DCAF8L2: variants seen among roughly 807,000 people sequenced by gnomAD.
The protein encoded by DCAF8L2 is DDB1 and CUL4 associated factor 8 like 2, also known as DDB1- and CUL4-associated factor 8-like protein 2.
For missense variants in DCAF8L2, 430 were observed against 490.7 expected, an observed-to-expected ratio of 0.88 and a Z score of 1.17; for synonymous variants, 200 against 190.9, an observed-to-expected ratio of 1.05 and a Z score of -0.39.
intron 2 of DCAF8L2, among the ~76,000 whole-genome samples, chrX:27,634,961 C>CACACAA (rs1355205193): frequency 9.4e-6 from 1 of 106,799 alleles, no homozygotes; most frequent in African/African-American, 3.5e-5. Flanking sequence ...TGTATATACA[C>CACACAA]ACACACACAC....
chrX:27,619,056 A>G (rs937001716), intron 1 of DCAF8L2, among the ~76,000 whole-genome samples: 1 of 107,191 alleles, frequency 9.3e-6, no homozygotes, highest in Non-Finnish European at 1.9e-5. Context: ...TCTTATATCT[A>G]TCTATCTATT....
intron 2 of DCAF8L2, chrX:27,633,325 T>TA (rs1390675481): frequency 8.9e-6 from 1 of 112,502 alleles, no homozygotes; most frequent in Non-Finnish European, 1.9e-5. Flanking sequence ...TTTTAATACT[T>TA]ACGGCACTTC....
At chrX:27,580,548 C>G in the DCAF8L2 span, among the ~76,000 whole-genome samples, 8 of 111,263 alleles carry the variant, frequency 7.2e-5, no homozygotes, top group South Asian at 3.0e-3. Context: ...TAAAGTCTGT[C>G]AATCCCTAGG....
At chrX:27,718,946 T>C (rs1931793948) in intron 4 of DCAF8L2, among the ~76,000 whole-genome samples, 1 of 111,797 alleles carries the variant, frequency 8.9e-6, no homozygotes, top group Non-Finnish European at 1.9e-5. Context: ...ATGTATATTA[T>C]ATATGTATAC....
intron 2 of DCAF8L2, among the ~76,000 whole-genome samples, chrX:27,662,701 A>G: frequency 8.9e-6 from 1 of 111,744 alleles, no homozygotes; most frequent in Non-Finnish European, 1.9e-5. Context: ...CTATTGTTTC[A>G]AAATAAATGA....
chrX:27,547,400 G>A, the DCAF8L2 span, among the ~76,000 whole-genome samples: 93 of 112,012 alleles, frequency 8.3e-4, no homozygotes, highest in Non-Finnish European at 1.6e-3. Flanking sequence ...CTTTACAGCA[G>A]TACCCCACCA....
chrX:27,720,586 G>T (rs1931865790), intron 4 of DCAF8L2, among the ~76,000 whole-genome samples: 1 of 110,644 alleles, frequency 9.0e-6, no homozygotes, highest in African/African-American at 3.3e-5. Context: ...TGTTAGCCAG[G>T]ATGGTCTCGA....
chrX:27,542,334 C>T, the DCAF8L2 span, among the ~76,000 whole-genome samples: 19 of 110,899 alleles, frequency 1.7e-4, no homozygotes, highest in Non-Finnish European at 2.8e-4. Flanking sequence ...TATAAGCCTT[C>T]CCTTTTCTCT....
intron 1 of DCAF8L2, among the ~76,000 whole-genome samples, chrX:27,603,705 C>T (rs1160286981): frequency 8.9e-6 from 1 of 111,938 alleles, no homozygotes; most frequent in Non-Finnish European, 1.9e-5. Context: ...AACTATATTT[C>T]AGTCAACACT....
At chrX:27,546,401 G>A in the DCAF8L2 span, among the ~76,000 whole-genome samples, 282 of 111,787 alleles carry the variant, frequency 2.5e-3, 1 homozygote, top group Non-Finnish European at 4.0e-3. Context: ...GGTGCAAGCT[G>A]TCAGTGGATC....
intron 1 of DCAF8L2, among the ~76,000 whole-genome samples, chrX:27,619,439 G>A (rs1602663977): frequency 9.0e-6 from 1 of 111,250 alleles, no homozygotes. Flanking sequence ...GAGACAGAGA[G>A]ATTTGTTACA....
the DCAF8L2 span, among the ~76,000 whole-genome samples, chrX:27,578,224 T>A: frequency 2.7e-5 from 3 of 111,279 alleles, no homozygotes; most frequent in African/African-American, 6.5e-5. Context: ...CATAGGCTAA[T>A]TGAACAGAAT....
chrX:27,595,900 C>T (rs1014542672), intron 1 of DCAF8L2, among the ~76,000 whole-genome samples: 25 of 111,127 alleles, frequency 2.2e-4, no homozygotes, highest in African/African-American at 4.9e-4. Context: ...CATGGTGGTG[C>T]GTGCCTGTAG....
intron 4 of DCAF8L2, among the ~76,000 whole-genome samples, chrX:27,730,698 G>T (rs1921141480): frequency 9.8e-6 from 1 of 101,613 alleles, no homozygotes; most frequent in African/African-American, 3.7e-5. Context: ...GATTACAGCT[G>T]CGCACAGCCA....
chrX:27,671,033 T>C (rs901742169), intron 2 of DCAF8L2, among the ~76,000 whole-genome samples: 8 of 111,967 alleles, frequency 7.1e-5, no homozygotes, highest in Non-Finnish European at 1.5e-4. Context: ...TCTGTGTCCA[T>C]TCTTTAGGTC....
At chrX:27,561,866 T>C in the DCAF8L2 span, among the ~76,000 whole-genome samples, 1 of 112,005 alleles carries the variant, frequency 8.9e-6, no homozygotes, top group Non-Finnish European at 1.9e-5. Context: ...TTATGAATAA[T>C]GTTGCTATGA....
At chrX:27,695,249 G>A (rs1008769864) in intron 3 of DCAF8L2, among the ~76,000 whole-genome samples, 1 of 112,180 alleles carries the variant, frequency 8.9e-6, no homozygotes, top group Admixed American at 9.5e-5. Flanking sequence ...TTAAGAGAAG[G>A]CTAAGGGTGA....
chrX:27,744,926 A>G (rs770639350), intron 4 of DCAF8L2, among the ~76,000 whole-genome samples: 1 of 111,883 alleles, frequency 8.9e-6, no homozygotes, highest in South Asian at 3.8e-4. Flanking sequence ...TGACCTTTTA[A>G]CCAAGTAAAC....
intron 3 of DCAF8L2, among the ~76,000 whole-genome samples, chrX:27,712,393 T>C (rs1220295011): frequency 1.8e-5 from 2 of 111,993 alleles, no homozygotes; most frequent in African/African-American, 6.5e-5. Flanking sequence ...GTAGTTAAAA[T>C]AGTTAGACCC....
Sources: gnomAD v4.1 joint callset for allele counts (sites outside exome capture counted in the v4.1 genomes callset) on GRCh38, gnomAD v4.1.1 for gene constraint, MANE v1.5 for transcripts, NCBI Gene and HGNC (gene_info 2026-07-23, HGNC 2026-07-21) for gene names.